Variants in ACSM5 observed in about 807,000 individuals in gnomAD.
ACSM5 encodes the protein acyl-CoA synthetase medium chain family member 5, also known as acyl-coenzyme A synthetase ACSM5, mitochondrial.
ACSM5 carries 56 observed loss-of-function variants against 71.6 expected under a neutral mutation model. The ratio of observed to expected loss-of-function variants is 0.78; its 90% CI spans 0.63 to 0.98. The LOEUF is 0.98. ACSM5 is among the 50% of genes least tolerant of loss of function. The probability of loss-of-function intolerance (pLI) is 0.00; values close to 1 mark genes in which losing one functional copy is unlikely to be tolerated. For missense variants in ACSM5, 723 were observed against 726.0 expected (o/e 1.00, Z 0.05); for synonymous variants, 285 against 281.5 (o/e 1.01, Z -0.12).
Position 20,440,536 on chromosome 16 carries a change from A to G in ACSM5, c.*109A>G. On this transcript the variant is annotated 3_prime_UTR_variant, in exon 14 of 14. Transcript: ENST00000331849. ...CATCTCTTCGACCCTAAAGATGTCA[A>G]AGGTGTGCAGCTTCCAAACGGCATC... 1 of 1,007,222 alleles carries G rather than the reference A, an allele frequency of 9.9e-7. No homozygotes were observed. Among genetic ancestry groups the G allele is most frequent in the South Asian group, 1.4e-5 (1 of 73,304 alleles). The allele number at this position is 1,007,222 out of a possible 1,614,324, so 62.4% of individuals were successfully genotyped here.
chr16:20,436,181 T>C (rs2141661303), intron 10 of ACSM5, among the ~76,000 whole-genome samples: 1 of 136,694 alleles, frequency 7.3e-6, no homozygotes, highest in Middle Eastern at 3.5e-3. Flanking sequence ...CTCCCTCCCT[T>C]TTCTTCTCTC....
intron 5 of ACSM5, among the ~76,000 whole-genome samples, chr16:20,421,690 T>A (rs1248677011): frequency 8.2e-5 from 12 of 145,542 alleles, no homozygotes; most frequent in African/African-American, 2.4e-4. Flanking sequence ...CATACACATA[T>A]AAACATATAT....
chr16:20,424,923 T>G (rs1966948599), intron 6 of ACSM5, among the ~76,000 whole-genome samples: 1 of 152,278 alleles, frequency 6.6e-6, no homozygotes, highest in African/African-American at 2.4e-5. Context: ...GATGTAGGCA[T>G]GCAATGCGTG....
chr16:20,413,796 C>A (rs1408242082), intron 2 of ACSM5, among the ~76,000 whole-genome samples: 1 of 152,132 alleles, frequency 6.6e-6, no homozygotes, highest in Non-Finnish European at 1.5e-5. Flanking sequence ...AACACTAAGG[C>A]AGGATTGTTA....
At chr16:20,422,685 A>T (rs1966902597) in intron 5 of ACSM5, among the ~76,000 whole-genome samples, 1 of 152,194 alleles carries the variant, frequency 6.6e-6, no homozygotes, top group Non-Finnish European at 1.5e-5. Context: ...TGTTGGGTTG[A>T]CAATGTAACT....
chr16:20,421,324 C>CGGG lies in ACSM5; in HGVS notation c.690_691insGGG (p.Thr230_Ser231insGly). On this transcript the variant is annotated inframe_insertion, in exon 5 of 14. Transcript: ENST00000331849. Reference sequence around the variant, plus strand: ...GAGACCCGCTGGCCATCTACTTTACCAGCGGAACCACCGGGGCCCCCAAGA... The same window carrying CGGG: ...GAGACCCGCTGGCCATCTACTTTACCGGGAGCGGAACCACCGGGGCCCCCAAGA... The CGGG allele has an allele frequency of 6.2e-7, 1 of 1,610,238 alleles. No individual in the cohort carries two copies. Among genetic ancestry groups the CGGG allele is most frequent in the Non-Finnish European group, 8.5e-7 (1 of 1,178,032 alleles).
chr16:20,430,286 A>G (rs1284656322), intron 8 of ACSM5, among the ~76,000 whole-genome samples: 2 of 151,950 alleles, frequency 1.3e-5, no homozygotes, highest in African/African-American at 4.8e-5. Context: ...CAATTATACC[A>G]TGACCAGCAA....
intron 6 of ACSM5, among the ~76,000 whole-genome samples, chr16:20,427,562 C>A (rs182472297): frequency 6.6e-6 from 1 of 152,334 alleles, no homozygotes; most frequent in Admixed American, 6.5e-5. Flanking sequence ...TGGCAGTATG[C>A]CATTGCTGTC....
rs56853520 is a variant in ACSM5, at chr16:20,432,847, C to CTTT, written c.1308+1550_1308+1552dup. 8.5e-4 allele frequency among the ~76,000 whole-genome samples: 49 copies of CTTT among 57,602 alleles called. 8 individuals are homozygous for CTTT. Among genetic ancestry groups the CTTT allele is most frequent in the African/African-American group, 2.2e-3 (31 of 13,844 alleles). 37.8% of individuals were successfully genotyped at this position (57,602 alleles called of 152,430 possible). A position where few individuals can be genotyped will look rare whatever the true frequency, so the allele number is the denominator to read the frequency against. ...CAGTTAGTTTTCTTTCCAGATCATT[C>CTTT]TTTTTTTTTTTTTTTTTTTTTTTTT... On this transcript the variant is annotated intron_variant, in intron 10 of 13. Transcript: ENST00000331849.
intron 8 of ACSM5, 117 bp from the exon 9 acceptor site, chr16:20,430,876 G>A (rs1967081973): frequency 4.4e-6 from 3 of 679,412 alleles, no homozygotes; most frequent in Admixed American, 2.6e-5. Flanking sequence ...AAGAAAGTGA[G>A]GGAGGAGAAA....
chr16:20,412,727 T>C (rs1966850074), intron 2 of ACSM5, among the ~76,000 whole-genome samples: 1 of 152,106 alleles, frequency 6.6e-6, no homozygotes, highest in South Asian at 2.1e-4. Context: ...AGGTGGTGGA[T>C]AACAGTAGGC....
rs556473802 is a variant in ACSM5, at chr16:20,440,055, G to C, written c.1656+136G>C. On this transcript the variant is annotated intron_variant, in intron 13 of 13. Coordinates refer to ENST00000331849, the MANE Select transcript of ACSM5 (RefSeq NM_017888.3). ...ACTTGTAACCCTGGCTGCTGCTTCA[G>C]CTTTTTTCTGTATTTCTTCACTTGG... 1.1e-3 allele frequency: 1,301 copies of C among 1,193,168 alleles called. 17 individuals are homozygous for C. The highest frequency in any genetic ancestry group is 1.5e-3 in the Non-Finnish European group (1,253 of 851,694). The allele number at this position is 1,193,168 out of a possible 1,614,324, so 73.9% of individuals were successfully genotyped here. A position where few individuals can be genotyped will look rare whatever the true frequency, so the allele number is the denominator to read the frequency against.
At chr16:20,436,189 C>G (rs1967195045) in intron 10 of ACSM5, among the ~76,000 whole-genome samples, 1 of 133,758 alleles carries the variant, frequency 7.5e-6, no homozygotes, top group East Asian at 2.7e-4. Context: ...CTTTTCTTCT[C>G]TCTTTCTTTT....
At chr16:20,412,816 G>T (rs1883648492) in intron 2 of ACSM5, among the ~76,000 whole-genome samples, 1 of 152,094 alleles carries the variant, frequency 6.6e-6, no homozygotes, top group African/African-American at 2.4e-5. Flanking sequence ...TTAATTCAAA[G>T]AATTGTATTC....
Position 20,440,749 on chromosome 16 carries a change from A to G in ACSM5, c.*322A>G. 4.6e-6 allele frequency: 1 copy of G among 217,358 alleles called. No individual in the cohort carries two copies. 13.5% of individuals were successfully genotyped at this position (217,358 alleles called of 1,614,324 possible). On this transcript the variant is annotated 3_prime_UTR_variant, in exon 14 of 14. Coordinates refer to ENST00000331849, the MANE Select transcript of ACSM5 (RefSeq NM_017888.3). Reference sequence around the variant, plus strand: ...CCCTCCATAGGACAGGTTACCATAGACTTGGGGCACTTGTGGGTACTCATT... The same window carrying G: ...CCCTCCATAGGACAGGTTACCATAGGCTTGGGGCACTTGTGGGTACTCATT...
intron 1 of ACSM5, among the ~76,000 whole-genome samples, chr16:20,410,111 G>C (rs1270943417): frequency 6.6e-6 from 1 of 152,130 alleles, no homozygotes; most frequent in Non-Finnish European, 1.5e-5. Flanking sequence ...TTGTTATAAA[G>C]ATTTCATGAA....
intron 2 of ACSM5, among the ~76,000 whole-genome samples, chr16:20,414,151 G>T (rs879343020): frequency 1.4e-4 from 22 of 152,228 alleles, no homozygotes; most frequent in Non-Finnish European, 3.1e-4. Context: ...ACTAGAAAGA[G>T]CATGGCAATG....
intron 2 of ACSM5, chr16:20,411,918 C>G (rs1966848557): frequency 1.8e-6 from 1 of 547,160 alleles, no homozygotes; most frequent in Non-Finnish European, 3.3e-6. Flanking sequence ...ATTCTTGAGC[C>G]CAAATCACAC....
intron 7 of ACSM5, among the ~76,000 whole-genome samples, chr16:20,428,740 G>A (rs1967037455): frequency 6.6e-6 from 1 of 152,110 alleles, no homozygotes; most frequent in African/African-American, 2.4e-5. Flanking sequence ...CTGAAAGCAA[G>A]CTCCAAGTAC....
Sources: gnomAD v4.1 joint callset for allele counts (sites outside exome capture counted in the v4.1 genomes callset) on GRCh38, gnomAD v4.1.1 for gene constraint, MANE v1.5 for transcripts, NCBI Gene and HGNC (gene_info 2026-07-23, HGNC 2026-07-21) for gene names.